UNC5C: variants seen among roughly 807,000 people sequenced by gnomAD.
UNC5C encodes the protein unc-5 netrin receptor C.
A neutral mutation model predicts 99.8 loss-of-function variants in UNC5C; 47 were observed. That is an observed-to-expected ratio of 0.47 (90% confidence interval 0.37 to 0.60). The LOEUF is 0.60. UNC5C is among the 20% of genes least tolerant of loss of function. The probability of loss-of-function intolerance (pLI) is 0.00; values close to 1 mark genes in which losing one functional copy is unlikely to be tolerated. For missense variants in UNC5C, 1,062 were observed against 1,165.9 expected, an observed-to-expected ratio of 0.91 and a Z score of 1.30; for synonymous variants, 487 against 452.2, an observed-to-expected ratio of 1.08 and a Z score of -0.98.
intron 7 of UNC5C, among the ~76,000 whole-genome samples, chr4:95,231,342 C>G (rs1738904087): frequency 6.6e-6 from 1 of 152,070 alleles, no homozygotes; most frequent in East Asian, 1.9e-4. Flanking sequence ...ATGATAGATT[C>G]ATATCTTATG....
chr4:95,356,223 AAAAAAC>A (rs1560801863), intron 1 of UNC5C, among the ~76,000 whole-genome samples: 2 of 135,254 alleles, frequency 1.5e-5, no homozygotes, highest in African/African-American at 5.8e-5. Context: ...CAAAACAAAA[AAAAAAC>A]AGATTCCTCG....
chr4:95,244,849 G>C lies in UNC5C; in HGVS notation c.943+128C>G, dbSNP rs1461946661. ...TTGATTTCCCAGCAATGTAAACAGT[G>C]AGTAGGATGGATTTAAATAACGTTC... On this transcript the variant is annotated intron_variant, in intron 6 of 15. Transcript: ENST00000453304. 3.2e-6 allele frequency: 4 copies of C among 1,252,028 alleles called. No homozygotes were observed. In the African/African-American group the frequency reaches 4.5e-5, roughly 14 times the overall value. The allele number at this position is 1,252,028 out of a possible 1,614,324, so 77.6% of individuals were successfully genotyped here.
chr4:95,169,251 C>A lies in UNC5C; in HGVS notation c.2779G>T (p.Ala927Ser), dbSNP rs1192678046. 6 of 1,614,012 alleles carry A rather than the reference C, an allele frequency of 3.7e-6. No individual in the cohort carries two copies. The highest frequency in any genetic ancestry group is 1.7e-5 in the Admixed American group (1 of 59,998). The change falls in exon 16 of 16, where the codon GCA (alanine) becomes TCA (serine). Residue 927 changes from alanine to serine, a missense_variant. Physicochemically the swap from Ala to Ser is moderately conservative, Grantham distance 99 (BLOSUM62 1). Transcript: ENST00000453304. Reference sequence around the variant, plus strand: ...CATGGTGGTTAATACTGCCCTTCTGCTGCTAAGGACACCACCGTTTCATGT... The same window carrying A: ...CATGGTGGTTAATACTGCCCTTCTGATGCTAAGGACACCACCGTTTCATGT... ...GRHETVVSLAAEGQY is the reference protein window; with the variant it reads ...GRHETVVSLASEGQY
chr4:95,288,384 T>C (rs766873616), intron 3 of UNC5C, among the ~76,000 whole-genome samples: 3 of 152,104 alleles, frequency 2.0e-5, no homozygotes, highest in Non-Finnish European at 2.9e-5. Flanking sequence ...TGCCCAGCAC[T>C]TTACAGATTA....
intron 2 of UNC5C, among the ~76,000 whole-genome samples, chr4:95,304,903 G>C (rs1349746453): frequency 6.6e-6 from 1 of 152,176 alleles, no homozygotes; most frequent in Admixed American, 6.5e-5. Context: ...TTAAATGCTT[G>C]AGGAATTCAG....
At chr4:95,545,752 T>TTA (rs1553907662) in intron 1 of UNC5C, among the ~76,000 whole-genome samples, 2 of 142,542 alleles carry the variant, frequency 1.4e-5, no homozygotes, top group African/African-American at 5.7e-5. Context: ...CACACTGATC[T>TTA]CACACACACG....
chr4:95,339,331 TTTA>T (rs1330358915), intron 1 of UNC5C, among the ~76,000 whole-genome samples: 2 of 151,966 alleles, frequency 1.3e-5, no homozygotes, highest in African/African-American at 4.8e-5. Flanking sequence ...TGCTAAAATT[TTTA>T]CTTTTTCAGG....
At chr4:95,411,512 T>A (rs530693770) in intron 1 of UNC5C, among the ~76,000 whole-genome samples, 1 of 152,316 alleles carries the variant, frequency 6.6e-6, no homozygotes, top group Admixed American at 6.5e-5. Context: ...ACTCTCTGGT[T>A]TCCTGATTTT....
intron 14 of UNC5C, among the ~76,000 whole-genome samples, chr4:95,179,763 A>AAAAG (rs1736532245): frequency 6.7e-6 from 1 of 150,178 alleles, no homozygotes; most frequent in South Asian, 2.1e-4. Context: ...AAAAAAAAAA[A>AAAAG]AAGAAAAAGA....
chr4:95,520,109 G>GTA, intron 1 of UNC5C, among the ~76,000 whole-genome samples: 2 of 152,226 alleles, frequency 1.3e-5, no homozygotes, highest in East Asian at 3.9e-4. Context: ...AAGGTAAAAT[G>GTA]ACTTTCCCAA....
chr4:95,250,643 T>C lies in UNC5C; in HGVS notation c.619A>G (p.Ile207Val), dbSNP rs373052449. ...TTCCGATCTTCAACGGGATCAATTA[T>C]GTCTTCATTTTTCAACCATTCCACC... Reference protein sequence around the residue: ...AEVEWLKNEDIIDPVEDRNFY... With the variant: ...AEVEWLKNEDVIDPVEDRNFY... The change falls in exon 5 of 16, where the codon ATA becomes GTA. Residue 207 changes from isoleucine to valine, a missense_variant. Ile to Val is a conservative substitution (Grantham distance 29). Transcript: ENST00000453304. The C allele has an allele frequency of 6.2e-7, 1 of 1,613,882 alleles. No homozygotes were observed. Among genetic ancestry groups the C allele is most frequent in the Non-Finnish European group, 8.5e-7 (1 of 1,179,920 alleles).
At chr4:95,335,352 G>T in intron 2 of UNC5C, 58 bp downstream of exon 2, 1 of 1,446,796 alleles carries the variant, frequency 6.9e-7, no homozygotes, top group Non-Finnish European at 9.6e-7. Context: ...ATGTCCACAT[G>T]CTAGAGTAGT....
At position 95,242,509 on chromosome 4, in the gene UNC5C, G is replaced by A. The variant is rs754647343; in HGVS notation, c.1028C>T (p.Pro343Leu). Residue 343 changes from proline (P) to leucine (L), a missense_variant, in exon 7 of 16, where the codon CCA becomes CTA. Coordinates refer to ENST00000453304, the MANE Select transcript of UNC5C (RefSeq NM_003728.4). ...THWRRRECTA[P>L]APKNGGKDCD... Reference sequence around the variant, plus strand: ...GTCCTTGCCTCCATTCTTGGGGGCTGGCGCCGTGCACTCCCTCCTGCGCCA... The same window carrying A: ...GTCCTTGCCTCCATTCTTGGGGGCTAGCGCCGTGCACTCCCTCCTGCGCCA... 14 of 1,613,524 alleles carry A rather than the reference G, an allele frequency of 8.7e-6. No homozygotes were observed. In the South Asian group the frequency reaches 1.5e-4, roughly 18 times the overall value.
At chr4:95,235,664 G>T (rs1187714137) in intron 7 of UNC5C, among the ~76,000 whole-genome samples, 2 of 152,098 alleles carry the variant, frequency 1.3e-5, no homozygotes, top group Admixed American at 6.6e-5. Flanking sequence ...TTTTGTATAA[G>T]GTGTAAGGAA....
At chr4:95,401,649 A>G (rs530926815) in intron 1 of UNC5C, among the ~76,000 whole-genome samples, 2 of 152,286 alleles carry the variant, frequency 1.3e-5, no homozygotes, top group African/African-American at 4.8e-5. Flanking sequence ...AGAACTCAAC[A>G]TATATGTTCA....
chr4:95,320,737 GT>G (rs1742658943), intron 2 of UNC5C, among the ~76,000 whole-genome samples: 3 of 152,282 alleles, frequency 2.0e-5, no homozygotes, highest in Middle Eastern at 3.4e-3. Context: ...GGGCCTGAGG[GT>G]GGACACGATT....
At chr4:95,352,822 G>A (rs2149430239) in intron 1 of UNC5C, among the ~76,000 whole-genome samples, 1 of 152,130 alleles carries the variant, frequency 6.6e-6, no homozygotes, top group Non-Finnish European at 1.5e-5. Flanking sequence ...TATTTGAATT[G>A]TTACAAGAGC....
intron 15 of UNC5C, 25 bp from the exon 16 acceptor site, chr4:95,169,424 G>T: frequency 6.2e-7 from 1 of 1,611,340 alleles, no homozygotes. Context: ...GAGAAAATGT[G>T]CTCAACAGTG....
chr4:95,170,147 T>C lies in UNC5C; in HGVS notation c.2630+7A>G. 1 of 1,613,494 alleles carries C rather than the reference T, an allele frequency of 6.2e-7. No homozygotes were observed. The highest frequency in any genetic ancestry group is 8.5e-7 in the Non-Finnish European group (1 of 1,179,534). On this transcript the variant is annotated splice_region_variant and intron_variant, in intron 15 of 15. Coordinates refer to ENST00000453304, the MANE Select transcript of UNC5C (RefSeq NM_003728.4). ...AGAAGCTAGTCTTGGGGCCAGACCA[T>C]ACCCACCTGTCCAGGTTCAGCTTAT...
Sources: allele counts gnomAD v4.1 joint callset (sites outside exome capture counted in the v4.1 genomes callset), GRCh38; gene constraint gnomAD v4.1.1; transcripts MANE v1.5; gene names NCBI Gene and HGNC (gene_info 2026-07-23, HGNC 2026-07-21).